RALGPS2: variants seen among roughly 807,000 people sequenced by gnomAD.
RALGPS2 encodes Ral GEF with PH domain and SH3 binding motif 2.
A neutral mutation model predicts 86.8 loss-of-function variants in RALGPS2; 43 were observed. The ratio of observed to expected loss-of-function variants is 0.50; its 90% CI spans 0.39 to 0.64. The LOEUF is 0.64. RALGPS2 is among the 30% of genes least tolerant of loss of function. RALGPS2 has a pLI of 0.00. For missense variants in RALGPS2, 536 were observed against 694.6 expected, an observed-to-expected ratio of 0.77 and a Z score of 2.57; for synonymous variants, 243 against 231.3, an observed-to-expected ratio of 1.05 and a Z score of -0.46.
At chr1:178,730,573 T>TAA (rs572912537) in intron 1 of RALGPS2, among the ~76,000 whole-genome samples, 2 of 147,500 alleles carry the variant, frequency 1.4e-5, no homozygotes, top group East Asian at 3.9e-4. Flanking sequence ...CCTTCAGTTT[T>TAA]AAAAAAAAAA....
intron 12 of RALGPS2, chr1:178,885,443 T>C (rs1659441121): frequency 2.1e-6 from 1 of 467,350 alleles, no homozygotes; most frequent in East Asian, 3.9e-5. Flanking sequence ...GGACGATAAA[T>C]GAACATTACA....
chr1:178,852,964 G>A (rs771850663), intron 8 of RALGPS2: 25 of 1,599,510 alleles, frequency 1.6e-5, no homozygotes, highest in Middle Eastern at 1.7e-4. Context: ...CTGTTAATAA[G>A]TGAAGAAACA....
chr1:178,760,830 C>T (rs1440676830), intron 1 of RALGPS2, among the ~76,000 whole-genome samples: 1 of 152,112 alleles, frequency 6.6e-6, no homozygotes, highest in African/African-American at 2.4e-5. Flanking sequence ...GGATATCTAT[C>T]TCTTTAGCAA....
intron 1 of RALGPS2, among the ~76,000 whole-genome samples, chr1:178,769,702 G>A (rs573469947): frequency 6.6e-6 from 1 of 152,264 alleles, no homozygotes; most frequent in South Asian, 2.1e-4. Context: ...CTGGCTGCAC[G>A]TCTCATTGTC....
chr1:178,726,507 G>A (rs114611433), intron 1 of RALGPS2, among the ~76,000 whole-genome samples: 1 of 151,618 alleles, frequency 6.6e-6, no homozygotes, highest in Admixed American at 6.6e-5. Context: ...GATGTTAGCT[G>A]TGGAGGAGGG....
intron 1 of RALGPS2, among the ~76,000 whole-genome samples, chr1:178,775,495 A>G (rs948708618): frequency 6.6e-6 from 1 of 152,130 alleles, no homozygotes; most frequent in Non-Finnish European, 1.5e-5. Context: ...TTCATTTACC[A>G]CTGTCATTTT....
intron 1 of RALGPS2, among the ~76,000 whole-genome samples, chr1:178,760,109 A>G (rs1652161855): frequency 6.6e-6 from 1 of 152,134 alleles, no homozygotes; most frequent in African/African-American, 2.4e-5. Flanking sequence ...AGGACTTTCC[A>G]GTACTGTGTT....
intron 4 of RALGPS2, among the ~76,000 whole-genome samples, chr1:178,801,914 A>C (rs1654496652): frequency 6.6e-6 from 1 of 152,158 alleles, no homozygotes; most frequent in South Asian, 2.1e-4. Flanking sequence ...AGAAGCTTAT[A>C]ATTAGAAAAC....
chr1:178,822,263 C>T (rs892289276), intron 7 of RALGPS2, among the ~76,000 whole-genome samples: 2 of 151,980 alleles, frequency 1.3e-5, no homozygotes, highest in Non-Finnish European at 2.9e-5. Flanking sequence ...GAATTTTGAC[C>T]TCTGCAAATT....
chr1:178,879,084 T>G, intron 10 of RALGPS2, 92 bp downstream of exon 10: 1 of 1,501,310 alleles, frequency 6.7e-7, no homozygotes, highest in Non-Finnish European at 8.9e-7. Context: ...TCCTACATGG[T>G]ATCATACAAA....
chr1:178,872,084 T>A (rs1028619140), intron 8 of RALGPS2, among the ~76,000 whole-genome samples: 1 of 152,212 alleles, frequency 6.6e-6, no homozygotes, highest in African/African-American at 2.4e-5. Context: ...TATGCCACAC[T>A]CTCTGTCATT....
chr1:178,820,076 A>G (rs1348266944), intron 6 of RALGPS2, among the ~76,000 whole-genome samples: 2 of 152,178 alleles, frequency 1.3e-5, no homozygotes, highest in Non-Finnish European at 2.9e-5. Flanking sequence ...ATACCTTGAA[A>G]TCAAACACAC....
chr1:178,742,005 G>T (rs1480295160), intron 1 of RALGPS2, among the ~76,000 whole-genome samples: 1 of 151,714 alleles, frequency 6.6e-6, no homozygotes, highest in Non-Finnish European at 1.5e-5. Flanking sequence ...GCATGGTGAC[G>T]CACGCCTGTA....
At chr1:178,772,606 T>A (rs993719282) in intron 1 of RALGPS2, among the ~76,000 whole-genome samples, 8 of 152,224 alleles carry the variant, frequency 5.3e-5, no homozygotes, top group African/African-American at 1.9e-4. Context: ...TACAAGTTGT[T>A]TAGTTTCAAG....
intron 8 of RALGPS2, chr1:178,865,784 T>A (rs970510326): frequency 6.4e-7 from 1 of 1,559,848 alleles, no homozygotes; most frequent in Non-Finnish European, 8.6e-7. Context: ...CATTTTGAAA[T>A]GAGGTTGTAA....
chr1:178,798,626 T>C lies in RALGPS2; in HGVS notation c.214-9419T>C, dbSNP rs148508714. On this transcript the variant is annotated intron_variant, in intron 4 of 19. Coordinates refer to ENST00000367635, the MANE Select transcript of RALGPS2 (RefSeq NM_152663.5). ...ATAAATGAATCCAGTGTAAGGAGCA[T>C]TGTGTTTCGTTTTTTTTTTAAAAAG... Among the ~76,000 whole-genome samples the C allele has an allele frequency of 1.1e-3, 171 of 152,250 alleles. 2 individuals carry two copies. The highest frequency in any genetic ancestry group is 6.8e-3 in the Middle Eastern group (2 of 294).
intron 7 of RALGPS2, among the ~76,000 whole-genome samples, chr1:178,822,632 C>T (rs1655558250): frequency 6.6e-6 from 1 of 151,884 alleles, no homozygotes; most frequent in Non-Finnish European, 1.5e-5. Flanking sequence ...TATGGAAAAG[C>T]TTGTGATCCT....
At chr1:178,871,152 G>A (rs1295389597) in intron 8 of RALGPS2, 1 of 152,236 alleles carries the variant, frequency 6.6e-6, no homozygotes, top group African/African-American at 2.4e-5. Flanking sequence ...AAAATTGCTG[G>A]AGACTGGGGG....
chr1:178,741,822 TA>T (rs1421932346), intron 1 of RALGPS2, among the ~76,000 whole-genome samples: 1 of 152,098 alleles, frequency 6.6e-6, no homozygotes, highest in Non-Finnish European at 1.5e-5. Context: ...ACATAAAATC[TA>T]GAAGACCTAA....
Sources: gnomAD v4.1 joint callset for allele counts (sites outside exome capture counted in the v4.1 genomes callset) on GRCh38, gnomAD v4.1.1 for gene constraint, MANE v1.5 for transcripts, NCBI Gene and HGNC (gene_info 2026-07-23, HGNC 2026-07-21) for gene names.